The following EPHB4 variants were observed in gnomAD, a reference collection of about 807,000 sequenced individuals.
The protein encoded by EPHB4 is ephrin type-B receptor 4.
In EPHB4, 50 loss-of-function variants were observed where a neutral mutation model predicts 110.6. The observed-to-expected ratio is 0.45, with a 90% CI of 0.36 to 0.57. The LOEUF (loss-of-function observed/expected upper bound fraction) is 0.57, where lower values mean the gene tolerates loss of function less well. Among genes scored for constraint, EPHB4 ranks in the 20% least tolerant of loss-of-function variants. The pLI is 0.00. For missense variants in EPHB4, 1,128 were observed against 1,382.1 expected, an observed-to-expected ratio of 0.82 and a Z score of 2.91; for synonymous variants, 592 against 578.4, an observed-to-expected ratio of 1.02 and a Z score of -0.34.
At chr7:100,819,049 C>T (rs1337135861) in intron 6 of EPHB4, among the ~76,000 whole-genome samples, 1 of 152,158 alleles carries the variant, frequency 6.6e-6, no homozygotes, top group Non-Finnish European at 1.5e-5. Flanking sequence ...CCCAGTCCCA[C>T]TGGGGGCCTT....
At chr7:100,805,459 G>C in intron 15 of EPHB4, 42 bp downstream of exon 15, 1 of 1,534,560 alleles carries the variant, frequency 6.5e-7, no homozygotes. Flanking sequence ...AAGGAGTGGG[G>C]GCAGAGAGCG....
Position 100,817,216 on chromosome 7 carries a change from G to A in EPHB4, c.1564C>T (p.His522Tyr), listed in dbSNP as rs774435973. ...CCATCCAGTTGGGTCTGGCTGTGAT[G>A]TTCCTGGCCGAAGGGCCCGTAGCCG... ...EAGYGPFGQE[H>Y]HSQTQLDESE... Residue 522 changes from histidine to tyrosine, a missense_variant, in exon 8 of 17, where the codon CAT (histidine) becomes TAT (tyrosine). His to Tyr is a moderately conservative substitution (Grantham distance 83). Coordinates refer to ENST00000358173, the MANE Select transcript of EPHB4 (RefSeq NM_004444.5). 1.3e-6 allele frequency: 2 copies of A among 1,585,400 alleles called. No individual in the cohort carries two copies. The highest frequency in any genetic ancestry group is 1.7e-6 in the Non-Finnish European group (2 of 1,166,418).
chr7:100,819,949 C>T, intron 5 of EPHB4, 60 bp from the exon 6 acceptor site: 1 of 1,492,446 alleles, frequency 6.7e-7, no homozygotes, highest in Non-Finnish European at 9.0e-7. Flanking sequence ...GGGGAGAGGG[C>T]AATGGAGGCA....
At position 100,822,095 on chromosome 7, in the gene EPHB4, G is replaced by A. The variant is rs1813249786; in HGVS notation, c.808+176C>T. Among the ~76,000 whole-genome samples, 2 of 152,106 alleles carry A rather than the reference G, an allele frequency of 1.3e-5. No individual in the cohort carries two copies. The highest frequency in any genetic ancestry group is 4.8e-5 in the African/African-American group (2 of 41,426). ...GAACTGCTTGAACAGGGACCCGGGA[G>A]GCAAAGGTTGCAGTTGAGCAGAGAT... is the stretch of plus-strand genomic sequence containing the variant. On this transcript the variant is annotated intron_variant, in intron 4 of 16. Transcript: ENST00000358173. This position sits in a 1 kb window ranked among gnomAD's most constrained non-coding sequence, Gnocchi z 4.7.
intron 16 of EPHB4, among the ~76,000 whole-genome samples, chr7:100,803,941 AGAG>A (rs910009074): frequency 5.3e-5 from 8 of 152,080 alleles, no homozygotes; most frequent in African/African-American, 1.9e-4. Flanking sequence ...CCGAAGTGGG[AGAG>A]GAAGAGCTGG....
Position 100,806,242 on chromosome 7 carries a change from G to A in EPHB4, c.2484+178C>T, listed in dbSNP as rs115901397. Reference sequence around the variant, plus strand: ...CCCAAAGTGCTGGGATTACAGGCTTGAGCCACTAGGCCTGGCCCTGTATCT... The same window carrying A: ...CCCAAAGTGCTGGGATTACAGGCTTAAGCCACTAGGCCTGGCCCTGTATCT... On this transcript the variant is annotated intron_variant, in intron 14 of 16. Transcript: ENST00000358173. The A allele has an allele frequency of 7.1e-3, 5,116 of 723,776 alleles. 206 individuals carry two copies. In the African/African-American group the frequency reaches 0.084, roughly 12 times the overall value. 44.8% of individuals were successfully genotyped at this position (723,776 alleles called of 1,614,324 possible).
In EPHB4 at chr7:100,823,640, G is replaced by A. The variant is rs998683606; in HGVS notation, c.411+4C>T. ...GTGGCTGAGCCCTGGGGGCACCCAGGTACCTTGATGTAGGGGTTCTCCATC... is the reference window on the plus strand; with the variant it reads ...GTGGCTGAGCCCTGGGGGCACCCAGATACCTTGATGTAGGGGTTCTCCATC... On this transcript the variant is annotated splice_donor_region_variant and intron_variant, in intron 3 of 16. Transcript: ENST00000358173. 5.6e-6 allele frequency: 9 copies of A among 1,610,330 alleles called. No individual in the cohort carries two copies. The highest frequency in any genetic ancestry group is 1.3e-5 in the African/African-American group (1 of 74,900).
At position 100,818,527 on chromosome 7, in the gene EPHB4, T is replaced by A; in HGVS notation, c.1415A>T (p.His472Leu). The change falls in exon 7 of 17, where the codon CAT (histidine) becomes CTT (leucine). Residue 472 changes from histidine to leucine, a missense_variant. His to Leu is a moderately conservative substitution (Grantham distance 99). This residue lies in a region of EPHB4 where 728 missense variants were observed against 828.6 expected (regional missense o/e 0.88). Transcript: ENST00000358173. ...GCTGGGGGATGGCCTTACCTTCTCA[T>A]GGTATTTGACCTCGTAGTCCAGCAC... ...GAVLDYEVKY[H>L]EKGAEGPSSV... The A allele has an allele frequency of 6.2e-7, 1 of 1,613,916 alleles. No homozygotes were observed. Among genetic ancestry groups the A allele is most frequent in the Non-Finnish European group, 8.5e-7 (1 of 1,179,956 alleles).
intron 13 of EPHB4, among the ~76,000 whole-genome samples, chr7:100,807,050 A>G (rs1259285755): frequency 6.6e-6 from 1 of 151,556 alleles, no homozygotes; most frequent in African/African-American, 2.4e-5. Flanking sequence ...GCAGCCTCCA[A>G]CTCCTGGGCT....
Position 100,819,842 on chromosome 7 carries a change from A to C in EPHB4, c.1012T>G (p.Ser338Ala). The change falls in exon 6 of 17, where the codon TCC becomes GCC. Residue 338 changes from serine (S) to alanine (A), a missense_variant. Physicochemically the swap from Ser to Ala is moderately conservative, Grantham distance 99 (BLOSUM62 1). Transcript: ENST00000358173. Reference protein sequence around the residue: ...RSVVSRLNGSSLHLEWSAPLE... With the variant: ...RSVVSRLNGSALHLEWSAPLE... ...GGGGCACTCCATTCCAGGTGCAGGG[A>C]GGAGCCGTTCAGGCGGGAAACCACG... 11 of 1,554,530 alleles carry C rather than the reference A, an allele frequency of 7.1e-6. No homozygotes were observed. The highest frequency in any genetic ancestry group is 1.2e-5 in the South Asian group (1 of 84,874).
Position 100,817,807 on chromosome 7 carries a change from G to A in EPHB4, c.1423-450C>T, listed in dbSNP as rs192347157. Among the ~76,000 whole-genome samples the A allele has an allele frequency of 1.1e-4, 17 of 150,346 alleles. No individual in the cohort carries two copies. The East Asian group carries it at 3.4e-3, about 30-fold the overall frequency. On this transcript the variant is annotated intron_variant, in intron 7 of 16. Coordinates refer to ENST00000358173, the MANE Select transcript of EPHB4 (RefSeq NM_004444.5). ...GGCCTCCCAAAGTGCCGGGATTACA[G>A]GCATGAGCCACTGTGCCCAGTCTAA...
rs1813251530 is a variant in EPHB4, at chr7:100,822,179, T to C, written c.808+92A>G. 5 of 1,440,514 alleles carry C rather than the reference T, an allele frequency of 3.5e-6. No individual in the cohort carries two copies. The highest frequency in any genetic ancestry group is 3.7e-6 in the Non-Finnish European group (4 of 1,090,940). 89.2% of individuals were successfully genotyped at this position (1,440,514 alleles called of 1,614,324 possible). A position where few individuals can be genotyped will look rare whatever the true frequency, so the allele number is the denominator to read the frequency against. On this transcript the variant is annotated intron_variant, in intron 4 of 16. Transcript: ENST00000358173. This position sits in a 1 kb window ranked among gnomAD's most constrained non-coding sequence, Gnocchi z 4.7. ...AAGCCTCCATTTCAACATCTAACTA[T>C]ACAAAATGGAAACTTAAGAAGTGGG...
At chr7:100,809,934 C>T (rs1380719509) in intron 12 of EPHB4, among the ~76,000 whole-genome samples, 2 of 152,116 alleles carry the variant, frequency 1.3e-5, no homozygotes, top group African/African-American at 2.4e-5. Context: ...GCCAACATGG[C>T]GAAGCCCTGT....
At chr7:100,807,048 C>T (rs566737566) in intron 13 of EPHB4, among the ~76,000 whole-genome samples, 11 of 151,990 alleles carry the variant, frequency 7.2e-5, no homozygotes, top group African/African-American at 2.7e-4. Context: ...CTGCAGCCTC[C>T]AACTCCTGGG....
chr7:100,812,748 C>A lies in EPHB4; in HGVS notation c.2117G>T (p.Arg706Leu), dbSNP rs764440077. The A allele has an allele frequency of 1.9e-6, 3 of 1,612,180 alleles. No individual in the cohort carries two copies. The African/African-American group carries it at 4.0e-5, about 22-fold the overall frequency. The change falls in exon 12 of 17, where the codon CGG becomes CTG. Residue 706 changes from arginine to leucine, a missense_variant and splice_region_variant. Physicochemically the swap from Arg to Leu is moderately radical, Grantham distance 102 (BLOSUM62 -2). Around this residue, in one of 3 missense-constraint regions of EPHB4, gnomAD observed 191 missense variants for 313.0 expected, o/e 0.61. Transcript: ENST00000358173. ...MENGALDSFL[R>L]LNDGQFTVIQ... is the part of the protein sequence containing the mutation. The stretch of plus-strand genomic sequence containing the variant: ...GCAGAAGCCAGGGAGGGTGCTCACC[C>A]GCAGGAAGGAGTCCAGGGCGCCGTT...
intron 1 of EPHB4, among the ~76,000 whole-genome samples, chr7:100,826,063 G>A (rs1194588751): frequency 6.6e-6 from 1 of 152,114 alleles, no homozygotes; most frequent in Non-Finnish European, 1.5e-5. Flanking sequence ...ATAGCCTACC[G>A]CCCCATAACC....
At chr7:100,804,433 G>C (rs1812769771) in intron 16 of EPHB4, among the ~76,000 whole-genome samples, 1 of 146,294 alleles carries the variant, frequency 6.8e-6, no homozygotes, top group South Asian at 2.2e-4. Context: ...TCCTGCCTCA[G>C]CCTCCTCAGT....
chr7:100,806,855 C>T (rs1204844742), intron 13 of EPHB4, among the ~76,000 whole-genome samples: 1 of 151,942 alleles, frequency 6.6e-6, no homozygotes, highest in South Asian at 2.1e-4. Context: ...TTTTTAGTAG[C>T]GACAGGGTTT....
At chr7:100,804,835 C>A (rs1261962303) in intron 16 of EPHB4, among the ~76,000 whole-genome samples, 1 of 152,138 alleles carries the variant, frequency 6.6e-6, no homozygotes, top group Non-Finnish European at 1.5e-5. Flanking sequence ...AAAAGAGAAC[C>A]CGAGTTGACA....
Sources: gnomAD v4.1 joint callset for allele counts (sites outside exome capture counted in the v4.1 genomes callset) on GRCh38, gnomAD v4.1.1 for gene constraint, gnomAD v4.1.1 regional missense constraint, Gnocchi (gnomAD v3.1) non-coding constraint, MANE v1.5 for transcripts, NCBI Gene and HGNC (gene_info 2026-07-23, HGNC 2026-07-21) for gene names.